The following ZMIZ1 variants were observed in gnomAD, a reference collection of about 807,000 sequenced individuals.
The protein encoded by ZMIZ1 is zinc finger MIZ domain-containing protein 1.
A neutral mutation model predicts 113.9 loss-of-function variants in ZMIZ1; 17 were observed. The ratio of observed to expected loss-of-function variants is 0.15; its 90% CI spans 0.10 to 0.22. ZMIZ1 has a LOEUF of 0.22. Ranked by LOEUF, ZMIZ1 falls within the 10% of genes least tolerant of loss-of-function variation. ZMIZ1 has a pLI of 1.00. For missense variants in ZMIZ1, 1,059 were observed against 1,477.8 expected, an observed-to-expected ratio of 0.72 and a Z score of 4.65; for synonymous variants, 607 against 603.1, an observed-to-expected ratio of 1.01 and a Z score of -0.09.
intron 4 of ZMIZ1, among the ~76,000 whole-genome samples, chr10:79,175,394 C>G (rs1846784885): frequency 6.6e-6 from 1 of 152,180 alleles, no homozygotes. Flanking sequence ...CCCAGTGCTC[C>G]TTGCTCACCC....
intron 1 of ZMIZ1, among the ~76,000 whole-genome samples, chr10:79,112,082 C>G (rs1843769957): frequency 6.6e-6 from 1 of 152,148 alleles, no homozygotes; most frequent in Non-Finnish European, 1.5e-5. Context: ...TGAGAGACTT[C>G]TAGAAGTGTG....
intron 2 of ZMIZ1, among the ~76,000 whole-genome samples, chr10:79,137,815 G>A (rs1354441929): frequency 6.9e-6 from 1 of 145,778 alleles, no homozygotes; most frequent in East Asian, 2.0e-4. Context: ...CTGAGAGGAC[G>A]GGCCCTCGGC....
In ZMIZ1 at chr10:79,293,383, G is replaced by T; in HGVS notation, c.960G>T (p.Met320Ile). ...QNKDINQYGP[M>I]GPTQAYNSQF... ...TGAAGGTCTGTTCCTCTTTCCAGAT[G>T]GGTCCCACCCAGGCGTATAACAGCC... Residue 320 changes from methionine (M) to isoleucine (I), a missense_variant and splice_region_variant, in exon 12 of 25, where the codon ATG becomes ATT. Physicochemically the swap from Met to Ile is conservative, Grantham distance 10. Transcript: ENST00000334512. The T allele has an allele frequency of 6.7e-7, 1 of 1,503,504 alleles. No individual in the cohort carries two copies. The highest frequency in any genetic ancestry group is 8.9e-7 in the Non-Finnish European group (1 of 1,125,356). 93.1% of individuals were successfully genotyped at this position (1,503,504 alleles called of 1,614,324 possible). A position where few individuals can be genotyped will look rare whatever the true frequency, so the allele number is the denominator to read the frequency against.
intron 1 of ZMIZ1, among the ~76,000 whole-genome samples, chr10:79,110,288 G>C (rs1384465889): frequency 6.6e-6 from 1 of 152,236 alleles, no homozygotes; most frequent in African/African-American, 2.4e-5. Flanking sequence ...CAAAGCAGCT[G>C]CTCAAATCAG....
At chr10:79,269,791 A>G (rs761656125) in intron 7 of ZMIZ1, among the ~76,000 whole-genome samples, 4 of 151,986 alleles carry the variant, frequency 2.6e-5, no homozygotes, top group Admixed American at 2.6e-4. Context: ...CTCTTTCCCT[A>G]TGGCTGCTGT....
Position 79,296,842 on chromosome 10 carries a change from C to T in ZMIZ1, c.1413+189C>T, listed in dbSNP as rs561673565. ...GCCAGAATGTCAGAGTGGCTTTTCT[C>T]AGTTCCTATTCTCATTCGTCTCGGA... On this transcript the variant is annotated intron_variant, in intron 13 of 24. Transcript: ENST00000334512. This position sits in a 1 kb window ranked among gnomAD's most constrained non-coding sequence, Gnocchi z 4.1. 4.4e-6 allele frequency: 2 copies of T among 454,020 alleles called. No homozygotes were observed. The highest frequency in any genetic ancestry group is 6.7e-5 in the South Asian group (1 of 15,022). 28.1% of individuals were successfully genotyped at this position (454,020 alleles called of 1,614,324 possible).
At chr10:79,311,270 G>A (rs570096736) in intron 24 of ZMIZ1, 86 bp downstream of exon 24, 37 of 1,475,606 alleles carry the variant, frequency 2.5e-5, no homozygotes, top group Middle Eastern at 2.5e-4. Context: ...GTGAGGGCTC[G>A]AGGCCCCGAA....
intron 3 of ZMIZ1, among the ~76,000 whole-genome samples, chr10:79,144,664 A>T (rs1402332446): frequency 6.6e-6 from 1 of 152,226 alleles, no homozygotes; most frequent in Non-Finnish European, 1.5e-5. Flanking sequence ...CATTGTGCCT[A>T]TTGTTTAAAT....
At chr10:79,075,925 C>T (rs1842459409) in intron 1 of ZMIZ1, among the ~76,000 whole-genome samples, 1 of 152,228 alleles carries the variant, frequency 6.6e-6, no homozygotes, top group South Asian at 2.1e-4. Flanking sequence ...ACTTCCCAAT[C>T]CGCAGGGGAT....
chr10:79,295,869 C>T (rs12355688), intron 12 of ZMIZ1: 17,514 of 152,320 alleles, frequency 0.11, 1,474 homozygotes, highest in East Asian at 0.24. Context: ...GTGCTCTCTC[C>T]TCTTCTCTAA....
At chr10:79,285,571 G>T (rs751293528) in intron 8 of ZMIZ1, 1 of 456,078 alleles carries the variant, frequency 2.2e-6, no homozygotes, top group Non-Finnish European at 4.4e-6. Context: ...GTAGGTGGTC[G>T]GTCATCAGGC....
chr10:79,301,969 A>G (rs1401564284), intron 17 of ZMIZ1, 138 bp from the exon 18 acceptor site: 14 of 753,334 alleles, frequency 1.9e-5, no homozygotes, highest in Non-Finnish European at 3.1e-5. Context: ...TCAGGCTCGC[A>G]AGTCCCAGGA....
intron 3 of ZMIZ1, among the ~76,000 whole-genome samples, chr10:79,160,900 A>G (rs1846089101): frequency 6.6e-6 from 1 of 152,252 alleles, no homozygotes; most frequent in South Asian, 2.1e-4. Context: ...GCAGAGAGGC[A>G]CAGTGACTGT....
chr10:79,237,177 C>T (rs961466489), intron 7 of ZMIZ1, among the ~76,000 whole-genome samples: 10 of 152,184 alleles, frequency 6.6e-5, no homozygotes, highest in African/African-American at 2.2e-4. Context: ...GCTAGAAGGG[C>T]ATCGAGGCTG....
At chr10:79,158,659 G>T (rs1408088820) in intron 3 of ZMIZ1, among the ~76,000 whole-genome samples, 1 of 152,226 alleles carries the variant, frequency 6.6e-6, no homozygotes, top group Non-Finnish European at 1.5e-5. Context: ...CTCTGGGTCA[G>T]ACTCAGCCCC....
rs571152227 is a variant in ZMIZ1 at position 79,202,018 on chromosome 10, T to C, written c.60+326T>C. Among the ~76,000 whole-genome samples the C allele has an allele frequency of 1.8e-3, 223 of 120,592 alleles. 3 individuals are homozygous for C. The highest frequency in any genetic ancestry group is 1.0e-3 in the Non-Finnish European group (62 of 59,908). The allele number at this position is 120,592 out of a possible 152,430, so 79.1% of individuals were successfully genotyped here. ...ATCTCTCTCCCACCACCTCCCTCCC[T>C]AGAACTAAGCTCCCTGCCCCTTTGC... is the stretch of plus-strand genomic sequence containing the variant. On this transcript the variant is annotated intron_variant, in intron 5 of 24. Transcript: ENST00000334512.
rs201354172 is a variant in ZMIZ1, at chr10:79,292,299, G to A, written c.900G>A (p.Thr300=). 1.6e-5 allele frequency: 26 copies of A among 1,613,388 alleles called. No homozygotes were observed. The highest frequency in any genetic ancestry group is 6.7e-5 in the East Asian group (3 of 44,868). Residue 300 remains threonine (T), a synonymous_variant, in exon 11 of 25, where the codon ACG becomes ACA. Transcript: ENST00000334512. ...CAGCCACAGCTACAGCCACAGCCAC[G>A]GCCACTGTGGCAGCCCTGCAGGAGA... The part of the protein sequence containing the change: ...AAAATATATA[T]ATVAALQETQ...
At chr10:79,070,619 T>C (rs377489100) in intron 1 of ZMIZ1, among the ~76,000 whole-genome samples, 1 of 151,968 alleles carries the variant, frequency 6.6e-6, no homozygotes, top group African/African-American at 2.4e-5. Context: ...ACTTTTTCCT[T>C]CTCTGCCTTC....
At chr10:79,089,412 C>A (rs903208251) in intron 1 of ZMIZ1, among the ~76,000 whole-genome samples, 11 of 152,240 alleles carry the variant, frequency 7.2e-5, no homozygotes, top group African/African-American at 2.4e-4. Context: ...GAACTCAGCT[C>A]AGGGTGTTTT....
Sources: allele counts gnomAD v4.1 joint callset (sites outside exome capture counted in the v4.1 genomes callset), GRCh38; gene constraint gnomAD v4.1.1; non-coding constraint Gnocchi (gnomAD v3.1); transcripts MANE v1.5; gene names NCBI Gene and HGNC (gene_info 2026-07-23, HGNC 2026-07-21).